The following SPATA31F1 variants were observed in gnomAD, a reference collection of about 807,000 sequenced individuals.
SPATA31F1 encodes the protein protein SPATA31F1.
the SPATA31F1 span, chr9:34,724,037 C>G: frequency 5.1e-5 from 78 of 1,532,946 alleles, 1 homozygote; most frequent in Non-Finnish European, 1.8e-6. Context: ...TGAGGAGCGC[C>G]CAAACCCCGC....
At chr9:34,726,831 A>G in the SPATA31F1 span, 2 of 1,551,832 alleles carry the variant, frequency 1.3e-6, no homozygotes, top group Non-Finnish European at 1.7e-6. Context: ...TCTAGGCAAG[A>G]GGAGCCCTGC....
the SPATA31F1 span, chr9:34,724,241 C>G: frequency 6.4e-7 from 1 of 1,551,542 alleles, no homozygotes; most frequent in Admixed American, 2.0e-5. Flanking sequence ...TGTCATGTCC[C>G]CACTGGGCTG....
the SPATA31F1 span, chr9:34,727,095 G>GCCCTATACCCTCCCTGCCCA: frequency 6.9e-7 from 1 of 1,448,640 alleles, no homozygotes. Context: ...AAACCCTGGG[G>GCCCTATACCCTCCCTGCCCA]CCTATACCAT....
At chr9:34,723,726 G>GGAA in the SPATA31F1 span, 2 of 1,551,600 alleles carry the variant, frequency 1.3e-6, no homozygotes, top group African/African-American at 2.7e-5. Flanking sequence ...GGTTGGCTCA[G>GGAA]GAAAGGCTGA....
chr9:34,728,800 A>C, the SPATA31F1 span: 2 of 789,172 alleles, frequency 2.5e-6, no homozygotes, highest in Non-Finnish European at 4.0e-6. Context: ...TCCTTTGCCT[A>C]TTCCACCTTT....
the SPATA31F1 span, chr9:34,723,678 C>A: frequency 1.8e-4 from 278 of 1,551,506 alleles, no homozygotes; most frequent in Admixed American, 2.6e-4. Flanking sequence ...AAAACTTGGC[C>A]TTGCAAAGTT....
At chr9:34,724,602 G>C in the SPATA31F1 span, 1 of 1,529,618 alleles carries the variant, frequency 6.5e-7, no homozygotes, top group Non-Finnish European at 8.9e-7. Context: ...AGTGAGTGGG[G>C]GCTAGTAGGA....
the SPATA31F1 span, chr9:34,724,438 G>A: frequency 6.4e-6 from 10 of 1,551,242 alleles, no homozygotes; most frequent in African/African-American, 1.2e-4. Context: ...CCCCTTGGTG[G>A]TTTAGACTTT....
At chr9:34,724,198 G>T in the SPATA31F1 span, 1 of 1,551,390 alleles carries the variant, frequency 6.4e-7, no homozygotes, top group East Asian at 2.4e-5. Flanking sequence ...TGTTCACATT[G>T]GCCTCTACCT....
chr9:34,723,587 A>C, the SPATA31F1 span: 1 of 1,551,636 alleles, frequency 6.4e-7, no homozygotes, highest in Non-Finnish European at 8.7e-7. Flanking sequence ...ATGCTGCAGA[A>C]AACATTTAAT....
the SPATA31F1 span, chr9:34,728,163 G>T: frequency 1.6e-6 from 2 of 1,286,670 alleles, no homozygotes; most frequent in South Asian, 1.4e-5. Context: ...TAAGGCCTTT[G>T]ACTCTCATCA....
At chr9:34,726,490 G>C in the SPATA31F1 span, 1 of 1,551,650 alleles carries the variant, frequency 6.4e-7, no homozygotes, top group South Asian at 1.2e-5. Flanking sequence ...AGTGATGCTG[G>C]CCTTGGTTTC....
At chr9:34,724,727 A>G in the SPATA31F1 span, 46 of 1,551,532 alleles carry the variant, frequency 3.0e-5, no homozygotes, top group Non-Finnish European at 3.9e-5. Context: ...GCATGGCCCA[A>G]GACTTATACA....
the SPATA31F1 span, chr9:34,723,668 A>G: frequency 6.4e-7 from 1 of 1,551,636 alleles, no homozygotes; most frequent in Non-Finnish European, 8.7e-7. Flanking sequence ...CAGCCCATGC[A>G]AAACTTGGCC....
At chr9:34,726,336 A>G in the SPATA31F1 span, 2 of 1,545,364 alleles carry the variant, frequency 1.3e-6, no homozygotes, top group Non-Finnish European at 1.7e-6. Context: ...AAATGCATCC[A>G]TTTTTTAACA....
At chr9:34,729,395 A>G in the SPATA31F1 span, 50,204 of 1,550,684 alleles carry the variant, frequency 0.032, 3,322 homozygotes, top group African/African-American at 0.28. Context: ...AGGGATATCC[A>G]ACTTCCCACA....
At chr9:34,723,578 T>C in the SPATA31F1 span, 2 of 1,551,804 alleles carry the variant, frequency 1.3e-6, no homozygotes, top group African/African-American at 1.4e-5. Context: ...GGGGTTAATA[T>C]GCTGCAGAAA....
At chr9:34,724,393 G>A in the SPATA31F1 span, 2 of 1,550,666 alleles carry the variant, frequency 1.3e-6, no homozygotes, top group South Asian at 2.4e-5. Context: ...CAGGAAGAGT[G>A]TCTGGTGGGA....
the SPATA31F1 span, chr9:34,726,655 T>C: frequency 6.4e-7 from 1 of 1,551,778 alleles, no homozygotes; most frequent in African/African-American, 1.4e-5. Flanking sequence ...CCCAGTAATC[T>C]TGTATGCCAT....
Sources: gnomAD v4.1 joint callset for allele counts on GRCh38, gnomAD v4.1.1 for gene constraint, MANE v1.5 for transcripts, NCBI Gene and HGNC (gene_info 2026-07-23, HGNC 2026-07-21) for gene names.